The following ATG10 variants were observed in gnomAD, a reference collection of about 807,000 sequenced individuals.
The protein encoded by ATG10 is ubiquitin-like-conjugating enzyme ATG10.
Under a neutral mutation model 32.1 loss-of-function variants are expected in ATG10, and 30 were observed. The observed-to-expected ratio is 0.94, with a 90% confidence interval of 0.70 to 1.27. The LOEUF (loss-of-function observed/expected upper bound fraction) is 1.27. Ranked by LOEUF, ATG10 falls within the 50% of genes most tolerant of loss-of-function variation. ATG10 has a pLI of 0.00. For synonymous variants in ATG10, 87 were observed against 91.5 expected, an observed-to-expected ratio of 0.95 and a Z score of 0.28; for missense variants, 233 against 262.3, an observed-to-expected ratio of 0.89 and a Z score of 0.77.
At chr5:82,206,535 A>G (rs991080720) in intron 5 of ATG10, among the ~76,000 whole-genome samples, 1 of 151,992 alleles carries the variant, frequency 6.6e-6, no homozygotes, top group African/African-American at 2.4e-5. Context: ...CTGTGGTCCC[A>G]GCTACTAGGG....
chr5:82,234,431 G>C (rs140096916), intron 5 of ATG10, among the ~76,000 whole-genome samples: 1 of 152,232 alleles, frequency 6.6e-6, no homozygotes, highest in Non-Finnish European at 1.5e-5. Context: ...GGGCTCATCC[G>C]TAAAACCCTG....
At chr5:81,993,369 T>TTTCTTTCCTTC (rs1554039351) in intron 2 of ATG10, among the ~76,000 whole-genome samples, 8 of 38,044 alleles carry the variant, frequency 2.1e-4, no homozygotes, top group Non-Finnish European at 2.4e-4. Flanking sequence ...CCTTCTTTTC[T>TTTCTTTCCTTC]TTTCTTTTCT....
chr5:81,986,243 T>C (rs1761266452), intron 1 of ATG10, among the ~76,000 whole-genome samples: 1 of 152,172 alleles, frequency 6.6e-6, no homozygotes, highest in African/African-American at 2.4e-5. Flanking sequence ...TTAATTACAG[T>C]ATATATTTAT....
intron 2 of ATG10, chr5:81,991,930 A>G (rs1017378719): frequency 6.6e-6 from 1 of 152,108 alleles, no homozygotes; most frequent in Non-Finnish European, 1.5e-5. Context: ...CAGCTCAGGT[A>G]ATCCTCCCAC....
chr5:82,065,626 GA>G (rs904318690), intron 3 of ATG10, among the ~76,000 whole-genome samples: 2 of 151,932 alleles, frequency 1.3e-5, no homozygotes, highest in African/African-American at 2.4e-5. Flanking sequence ...ATCAATTTAT[GA>G]TTTTTTTTGT....
At chr5:82,110,673 T>G (rs1311438036) in intron 3 of ATG10, among the ~76,000 whole-genome samples, 1 of 152,156 alleles carries the variant, frequency 6.6e-6, no homozygotes, top group Non-Finnish European at 1.5e-5. Flanking sequence ...TAAATTTGTT[T>G]GAGTTCATTG....
intron 2 of ATG10, among the ~76,000 whole-genome samples, chr5:82,003,409 G>A (rs973989108): frequency 1.3e-5 from 2 of 152,126 alleles, no homozygotes; most frequent in African/African-American, 4.8e-5. Flanking sequence ...CAAACTCCAG[G>A]TCTGAGGGAA....
rs143522492 is a variant in ATG10, at chr5:82,246,468, C to T, written c.454-6094C>T. On this transcript the variant is annotated intron_variant, in intron 5 of 7. Coordinates refer to ENST00000282185, the MANE Select transcript of ATG10 (RefSeq NM_031482.5). ...CTTTGGGAGATTAAGGTGGAAGGAT[C>T]GATGAGTTCAGAGTTCAAGACTAGT... Among the ~76,000 whole-genome samples, 1,149 of 147,804 alleles carry T rather than the reference C, an allele frequency of 7.8e-3. 10 individuals carry two copies. The highest frequency in any genetic ancestry group is 0.026 in the African/African-American group (1,050 of 39,888).
At chr5:81,992,005 A>T (rs1309406573) in intron 2 of ATG10, 1 of 151,734 alleles carries the variant, frequency 6.6e-6, no homozygotes, top group Non-Finnish European at 1.5e-5. Flanking sequence ...TTTTTTTTTA[A>T]ATCGAGACAG....
Position 82,186,592 on chromosome 5 carries a change from A to AT in ATG10, c.453+8024dup, listed in dbSNP as rs11287973. ...CATGGTCAGGGTACTTTCCATATTC[A>AT]TTTTTTTTTTTTTTTTTTTCAGACA... On this transcript the variant is annotated intron_variant, in intron 5 of 7. Coordinates refer to ENST00000282185, the MANE Select transcript of ATG10 (RefSeq NM_031482.5). Among the ~76,000 whole-genome samples the AT allele has an allele frequency of 3.4e-3, 387 of 112,342 alleles. 2 individuals carry two copies. The highest frequency in any genetic ancestry group is 5.4e-3 in the African/African-American group (154 of 28,378). The allele number at this position is 112,342 out of a possible 152,430, so 73.7% of individuals were successfully genotyped here.
intron 3 of ATG10, among the ~76,000 whole-genome samples, chr5:82,098,658 C>T (rs971016581): frequency 2.6e-5 from 4 of 152,276 alleles, no homozygotes; most frequent in African/African-American, 9.6e-5. Context: ...CGTTTATAGA[C>T]TTCCATACTT....
intron 3 of ATG10, among the ~76,000 whole-genome samples, chr5:82,102,240 A>T (rs1165132575): frequency 1.3e-5 from 2 of 151,978 alleles, no homozygotes; most frequent in African/African-American, 4.8e-5. Flanking sequence ...TGTTTCAATT[A>T]TATATGTTTC....
intron 3 of ATG10, among the ~76,000 whole-genome samples, chr5:82,136,026 G>T (rs1304045757): frequency 6.6e-6 from 1 of 152,122 alleles, no homozygotes; most frequent in East Asian, 1.9e-4. Context: ...TTTTATCAGA[G>T]ACTAAAATTG....
chr5:82,194,011 T>C (rs1435065270), intron 5 of ATG10, among the ~76,000 whole-genome samples: 1 of 152,202 alleles, frequency 6.6e-6, no homozygotes, highest in Non-Finnish European at 1.5e-5. Context: ...GGGGAACAAA[T>C]TGTCTCACAA....
intron 3 of ATG10, among the ~76,000 whole-genome samples, chr5:82,106,098 A>G (rs551326044): frequency 6.6e-6 from 1 of 152,228 alleles, no homozygotes; most frequent in East Asian, 1.9e-4. Flanking sequence ...ATTTTTATGG[A>G]TAATCAAGAA....
chr5:82,057,449 A>G (rs904835237), intron 2 of ATG10, among the ~76,000 whole-genome samples: 6 of 152,046 alleles, frequency 3.9e-5, no homozygotes, highest in Admixed American at 2.0e-4. Flanking sequence ...GCTGATGGCA[A>G]TCTTTAGCTC....
rs1385470740 is a variant in ATG10, at chr5:82,251,778, CCTCCTAGGGCTCCCCATTG to C, written c.454-781_454-763del. Among the ~76,000 whole-genome samples the C allele has an allele frequency of 2.0e-5, 3 of 152,224 alleles. No homozygotes were observed. In the East Asian group the frequency reaches 5.8e-4, roughly 29 times the overall value. On this transcript the variant is annotated intron_variant, in intron 5 of 7. Coordinates refer to ENST00000282185, the MANE Select transcript of ATG10 (RefSeq NM_031482.5). The stretch of plus-strand genomic sequence containing the variant: ...GCACAGATTACCCACTACATAGAAA[CCTCCTAGGGCTCCCCATTG>C]CTTGCCAAATGATGTCCACGTCCCT...
intron 3 of ATG10, among the ~76,000 whole-genome samples, chr5:82,127,189 T>G (rs186663773): frequency 1.6e-4 from 25 of 152,284 alleles, no homozygotes; most frequent in African/African-American, 5.8e-4. Context: ...TTTATTATTC[T>G]GGCTAGCAGT....
intron 3 of ATG10, among the ~76,000 whole-genome samples, chr5:82,150,925 C>G (rs1050867181): frequency 7.2e-5 from 11 of 152,112 alleles, no homozygotes; most frequent in African/African-American, 2.2e-4. Context: ...CATCAGGTGG[C>G]CTGTGAATTT....
Sources: gnomAD v4.1 joint callset for allele counts (sites outside exome capture counted in the v4.1 genomes callset) on GRCh38, gnomAD v4.1.1 for gene constraint, MANE v1.5 for transcripts, NCBI Gene and HGNC (gene_info 2026-07-23, HGNC 2026-07-21) for gene names.